KPNA1: variants seen among roughly 807,000 people sequenced by gnomAD.
KPNA1 encodes karyopherin subunit alpha 1.
In KPNA1, 10 loss-of-function variants were observed where a neutral mutation model predicts 70.5. The observed-to-expected ratio is 0.14, with a 90% confidence interval of 0.09 to 0.24. The LOEUF is 0.24. KPNA1 is among the 10% of genes least tolerant of loss of function. KPNA1 has a pLI of 1.00. For synonymous variants in KPNA1, 192 were observed against 221.9 expected (o/e 0.87, Z 1.20); for missense variants, 397 against 637.9 (o/e 0.62, Z 4.07).
rs1553706693 is a variant in KPNA1, at chr3:122,496,348, A to ACC, written c.129+87_129+88dup. ...CACACACACACACACACACACACAC[A>ACC]CCCCAACTTTGCTAAAATGAAGATA... On this transcript the variant is annotated intron_variant, in intron 2 of 13. Coordinates refer to ENST00000344337, the MANE Select transcript of KPNA1 (RefSeq NM_002264.4). 368 of 1,193,632 alleles carry ACC rather than the reference A, an allele frequency of 3.1e-4. 1 individual carries two copies. Among genetic ancestry groups the ACC allele is most frequent in the Middle Eastern group, 2.1e-4 (1 of 4,700 alleles). 73.9% of individuals were successfully genotyped at this position (1,193,632 alleles called of 1,614,324 possible). A position where few individuals can be genotyped will look rare whatever the true frequency, so the allele number is the denominator to read the frequency against.
At chr3:122,496,389 T>C (rs1188312705) in intron 2 of KPNA1, 48 bp downstream of exon 2, 1 of 1,572,956 alleles carries the variant, frequency 6.4e-7, no homozygotes, top group African/African-American at 1.4e-5. Flanking sequence ...AGGCTTAAAA[T>C]GGAACATTAA....
At chr3:122,431,435 A>G (rs1239504026) in intron 12 of KPNA1, among the ~76,000 whole-genome samples, 4 of 152,144 alleles carry the variant, frequency 2.6e-5, no homozygotes, top group Non-Finnish European at 5.9e-5. Flanking sequence ...GGAATTACAG[A>G]CATGAGCCAC....
chr3:122,447,920 G>GA (rs560390647), intron 9 of KPNA1, among the ~76,000 whole-genome samples: 9 of 150,584 alleles, frequency 6.0e-5, no homozygotes, highest in African/African-American at 1.2e-4. Context: ...TAATTTACAA[G>GA]AAAAAAAAAC....
chr3:122,464,262 T>C (rs1434731089), intron 3 of KPNA1: 5 of 371,544 alleles, frequency 1.3e-5, no homozygotes, highest in African/African-American at 4.2e-5. Context: ...TAGAAAGTGA[T>C]CTTACTAGTA....
intron 2 of KPNA1, among the ~76,000 whole-genome samples, chr3:122,489,986 A>G (rs1002100599): frequency 2.0e-5 from 3 of 152,236 alleles, no homozygotes; most frequent in Non-Finnish European, 4.4e-5. Flanking sequence ...CTCATGAATT[A>G]TGAGTTTCTC....
intron 2 of KPNA1, among the ~76,000 whole-genome samples, chr3:122,475,284 A>C (rs1207604774): frequency 6.6e-6 from 1 of 152,208 alleles, no homozygotes; most frequent in East Asian, 1.9e-4. Context: ...TAAAATACTT[A>C]GGAATAAATT....
chr3:122,486,723 G>A (rs915380136), intron 2 of KPNA1, among the ~76,000 whole-genome samples: 21 of 152,102 alleles, frequency 1.4e-4, no homozygotes, highest in African/African-American at 4.6e-4. Context: ...AAGTAGCTGG[G>A]ACTACAGGCA....
intron 12 of KPNA1, 53 bp downstream of exon 12, chr3:122,433,608 A>G: frequency 6.8e-7 from 1 of 1,480,826 alleles, no homozygotes; most frequent in Non-Finnish European, 9.1e-7. Context: ...AAAGTGATAG[A>G]CACAATAATA....
intron 1 of KPNA1, among the ~76,000 whole-genome samples, chr3:122,511,342 C>A (rs1170354680): frequency 6.6e-6 from 1 of 152,132 alleles, no homozygotes; most frequent in Admixed American, 6.5e-5. Context: ...GCAGACTTAT[C>A]TTTGTATATG....
chr3:122,440,254 C>T (rs2076045147), intron 10 of KPNA1, among the ~76,000 whole-genome samples: 1 of 151,712 alleles, frequency 6.6e-6, no homozygotes, highest in Non-Finnish European at 1.5e-5. Context: ...AAGTACCTAA[C>T]TTAAGAGTTT....
intron 12 of KPNA1, among the ~76,000 whole-genome samples, chr3:122,429,141 C>T (rs768301869): frequency 1.3e-5 from 2 of 152,054 alleles, no homozygotes; most frequent in Non-Finnish European, 2.9e-5. Context: ...AAATCTAATA[C>T]CTATTCATGA....
At chr3:122,456,778 T>C (rs150270138) in intron 5 of KPNA1, among the ~76,000 whole-genome samples, 1 of 152,320 alleles carries the variant, frequency 6.6e-6, no homozygotes, top group East Asian at 1.9e-4. Context: ...AACCTCTCAA[T>C]GCAATTCAGG....
At chr3:122,493,853 G>A (rs1286864093) in intron 2 of KPNA1, among the ~76,000 whole-genome samples, 1 of 152,100 alleles carries the variant, frequency 6.6e-6, no homozygotes, top group Non-Finnish European at 1.5e-5. Flanking sequence ...CCAAAGTGCT[G>A]GGATTACAGG....
intron 12 of KPNA1, among the ~76,000 whole-genome samples, chr3:122,432,202 G>C (rs772101442): frequency 6.6e-6 from 1 of 152,146 alleles, no homozygotes; most frequent in African/African-American, 2.4e-5. Context: ...AATAACTATA[G>C]TACTTCATTA....
At chr3:122,451,940 A>G (rs1190559806) in intron 7 of KPNA1, 36 bp downstream of exon 7, 2 of 1,304,986 alleles carry the variant, frequency 1.5e-6, no homozygotes, top group Admixed American at 2.2e-5. Flanking sequence ...TTATTCTCAA[A>G]AAGAAAAAAA....
At chr3:122,461,174 A>G (rs752232205) in intron 5 of KPNA1, 50 bp downstream of exon 5, 1 of 1,203,494 alleles carries the variant, frequency 8.3e-7, no homozygotes, top group Non-Finnish European at 1.2e-6. Flanking sequence ...CAAAATAAAA[A>G]TTTTCAAAAG....
At chr3:122,491,938 T>C (rs1195296331) in intron 2 of KPNA1, among the ~76,000 whole-genome samples, 1 of 132,936 alleles carries the variant, frequency 7.5e-6, no homozygotes, top group Non-Finnish European at 1.5e-5. Flanking sequence ...CTCGACTCAC[T>C]GCAAGCTCCG....
intron 12 of KPNA1, among the ~76,000 whole-genome samples, chr3:122,430,515 A>AGTGTGTGTGTGTGTGT (rs10662409): frequency 0.025 from 3,603 of 141,374 alleles, 65 homozygotes; most frequent in Admixed American, 0.032. Flanking sequence ...CTGTACTACC[A>AGTGTGTGTGTGTGTGT]GTGTGTGTGT....
rs1199388585 is a variant in KPNA1 at position 122,425,204 on chromosome 3, TTGAA to T, written c.*1777_*1780del. ...TCCTTTGTCTTTGACTCTTTCTAGT[TTGAA>T]TGAAGTGGATTTTTTAAAAGTTTAA... is the stretch of plus-strand genomic sequence containing the variant. On this transcript the variant is annotated 3_prime_UTR_variant, in exon 14 of 14. Transcript: ENST00000344337. 1.3e-4 allele frequency: 20 copies of T among 152,796 alleles called. No homozygotes were observed. Among genetic ancestry groups the T allele is most frequent in the African/African-American group, 4.3e-4 (18 of 41,588 alleles). The allele number at this position is 152,796 out of a possible 1,614,324, so 9.5% of individuals were successfully genotyped here.
Sources: allele counts gnomAD v4.1 joint callset (sites outside exome capture counted in the v4.1 genomes callset), GRCh38; gene constraint gnomAD v4.1.1; transcripts MANE v1.5; gene names NCBI Gene and HGNC (gene_info 2026-07-23, HGNC 2026-07-21).